Variants in EDNRA observed in about 807,000 individuals in gnomAD.
EDNRA encodes endothelin-1 receptor.
A neutral mutation model predicts 41.4 loss-of-function variants in EDNRA; 11 were observed. The ratio of observed to expected loss-of-function variants is 0.27; its 90% CI spans 0.17 to 0.44. The LOEUF (loss-of-function observed/expected upper bound fraction) is 0.44, where lower values mean the gene tolerates loss of function less well. Ranked by LOEUF, EDNRA falls within the 20% of genes least tolerant of loss-of-function variation. The pLI is 1.00. For synonymous variants in EDNRA, 172 were observed against 183.0 expected (o/e 0.94, Z 0.49); for missense variants, 294 against 531.0 (o/e 0.55, Z 4.39).
At chr4:147,489,000 A>C (rs994321118) in intron 2 of EDNRA, 2 of 152,216 alleles carry the variant, frequency 1.3e-5, no homozygotes, top group African/African-American at 4.8e-5. Flanking sequence ...ACAATTGGAG[A>C]ATATTCAGTT....
chr4:147,505,731 C>A (rs1729687789), intron 2 of EDNRA, among the ~76,000 whole-genome samples: 1 of 146,678 alleles, frequency 6.8e-6, no homozygotes, highest in Non-Finnish European at 1.5e-5. Flanking sequence ...TCACTGCAAG[C>A]TCCGCCTCCT....
chr4:147,534,152 G>T (rs1164334529), intron 4 of EDNRA, among the ~76,000 whole-genome samples: 1 of 152,114 alleles, frequency 6.6e-6, no homozygotes, highest in Admixed American at 6.6e-5. Flanking sequence ...GCCCTCTCAA[G>T]GGTCAGCCTC....
chr4:147,494,612 G>C (rs1729247305), intron 2 of EDNRA: 1 of 152,408 alleles, frequency 6.6e-6, no homozygotes, highest in South Asian at 2.1e-4. Flanking sequence ...TGGAGCAAGA[G>C]TAGGGGAGAG....
intron 2 of EDNRA, among the ~76,000 whole-genome samples, chr4:147,516,612 T>C (rs189873245): frequency 1.2e-4 from 19 of 152,290 alleles, no homozygotes; most frequent in Admixed American, 1.1e-3. Context: ...AATATTAGGG[T>C]ACATAGACTC....
chr4:147,503,707 C>T (rs1044642969), intron 2 of EDNRA, among the ~76,000 whole-genome samples: 2 of 152,168 alleles, frequency 1.3e-5, no homozygotes, highest in South Asian at 4.1e-4. Flanking sequence ...ATGTGACCTT[C>T]AGAGTTTCGT....
At chr4:147,516,644 A>C (rs1469018298) in intron 2 of EDNRA, among the ~76,000 whole-genome samples, 1 of 152,166 alleles carries the variant, frequency 6.6e-6, no homozygotes. Context: ...ATAAGCTATG[A>C]CTGATCTGAG....
At chr4:147,510,286 T>C (rs1476885286) in intron 2 of EDNRA, among the ~76,000 whole-genome samples, 1 of 152,202 alleles carries the variant, frequency 6.6e-6, no homozygotes, top group Non-Finnish European at 1.5e-5. Context: ...CCAGTGTCAC[T>C]GTAGGCTGAT....
At chr4:147,531,187 A>G (rs1730725996) in intron 3 of EDNRA, among the ~76,000 whole-genome samples, 2 of 152,248 alleles carry the variant, frequency 1.3e-5, no homozygotes. Flanking sequence ...TTTGATTGAC[A>G]TAATCATTCA....
chr4:147,509,610 C>T (rs75092505), intron 2 of EDNRA, among the ~76,000 whole-genome samples: 1,776 of 152,270 alleles, frequency 0.012, 17 homozygotes, highest in Middle Eastern at 0.02. Flanking sequence ...CCCCATCACT[C>T]GCATTACCTC....
chr4:147,538,325 A>C (rs1730983214), intron 5 of EDNRA, among the ~76,000 whole-genome samples: 1 of 152,092 alleles, frequency 6.6e-6, no homozygotes, highest in African/African-American at 2.4e-5. Context: ...TCTTCCGGAA[A>C]CCCATGCAAT....
At chr4:147,529,238 A>T (rs1344952202) in intron 3 of EDNRA, among the ~76,000 whole-genome samples, 1 of 152,104 alleles carries the variant, frequency 6.6e-6, no homozygotes, top group Admixed American at 6.5e-5. Context: ...GAAGACAAGG[A>T]GTCTGATTTG....
chr4:147,505,561 C>T (rs1393250023), intron 2 of EDNRA, among the ~76,000 whole-genome samples: 7 of 149,958 alleles, frequency 4.7e-5, no homozygotes, highest in African/African-American at 1.7e-4. Context: ...AGGCTGGTCT[C>T]GAACCCCAGG....
intron 4 of EDNRA, among the ~76,000 whole-genome samples, chr4:147,534,313 A>G (rs2357924): frequency 0.14 from 21,938 of 152,204 alleles, 1,879 homozygotes; most frequent in Admixed American, 0.21. Flanking sequence ...GACTTTTTTT[A>G]AGTTCAGGAC....
chr4:147,482,601 A>G (rs1728805532), intron 1 of EDNRA, among the ~76,000 whole-genome samples: 2 of 152,210 alleles, frequency 1.3e-5, no homozygotes, highest in Admixed American at 6.5e-5. Context: ...TGATAATATG[A>G]CATCCACAGG....
chr4:147,514,908 G>C (rs1463368447), intron 2 of EDNRA, among the ~76,000 whole-genome samples: 1 of 152,226 alleles, frequency 6.6e-6, no homozygotes, highest in Admixed American at 6.5e-5. Context: ...TGGTGAGCCA[G>C]CAGCATCAGC....
In EDNRA at chr4:147,539,679, G is replaced by A. The variant is rs6840375; in HGVS notation, c.901-138G>A. 0.27 allele frequency: 257,697 copies of A among 954,258 alleles called. 38,993 individuals carry two copies. Among genetic ancestry groups the A allele is most frequent in the African/African-American group, 0.57 (34,323 of 60,142 alleles). The allele number at this position is 954,258 out of a possible 1,614,324, so 59.1% of individuals were successfully genotyped here. A position where few individuals can be genotyped will look rare whatever the true frequency, so the allele number is the denominator to read the frequency against. ...TTAGAATCTTGAAGAGGTAGAGGCA[G>A]TGTAAGCCAGGCTGTTCTCCTGGCT... On this transcript the variant is annotated intron_variant, in intron 5 of 7. Transcript: ENST00000651419.
At chr4:147,511,411 T>C (rs1729918044) in intron 2 of EDNRA, among the ~76,000 whole-genome samples, 1 of 152,182 alleles carries the variant, frequency 6.6e-6, no homozygotes, top group Non-Finnish European at 1.5e-5. Context: ...TATTCTACTT[T>C]ATTCTTTTTT....
chr4:147,484,342 T>C (rs1728873541), intron 1 of EDNRA, among the ~76,000 whole-genome samples: 1 of 152,210 alleles, frequency 6.6e-6, no homozygotes, highest in South Asian at 2.1e-4. Flanking sequence ...TTGCTTCATC[T>C]AAACTCTGGA....
chr4:147,520,588 T>C (rs1478042956), intron 3 of EDNRA, among the ~76,000 whole-genome samples: 4 of 152,238 alleles, frequency 2.6e-5, no homozygotes, highest in Admixed American at 1.3e-4. Context: ...TTCTAGATGG[T>C]ATTTTCTTTA....
Sources: gnomAD v4.1 joint callset for allele counts (sites outside exome capture counted in the v4.1 genomes callset) on GRCh38, gnomAD v4.1.1 for gene constraint, MANE v1.5 for transcripts, NCBI Gene and HGNC (gene_info 2026-07-23, HGNC 2026-07-21) for gene names.